The following NDST3 variants were observed in gnomAD, a reference collection of about 807,000 sequenced individuals.
NDST3 encodes the protein N-deacetylase and N-sulfotransferase 3.
A neutral mutation model predicts 96.1 loss-of-function variants in NDST3; 58 were observed. The ratio of observed to expected loss-of-function variants is 0.60; its 90% confidence interval spans 0.49 to 0.75. The LOEUF is 0.75. Ranked by LOEUF, NDST3 falls within the 30% of genes least tolerant of loss-of-function variation. The pLI is 0.00. For synonymous variants in NDST3, 333 were observed against 359.7 expected (o/e 0.93, Z 0.84); for missense variants, 788 against 1,034.2 (o/e 0.76, Z 3.27).
At chr4:118,210,987 GA>G (rs1316451976) in intron 6 of NDST3, among the ~76,000 whole-genome samples, 1 of 152,098 alleles carries the variant, frequency 6.6e-6, no homozygotes, top group Admixed American at 6.5e-5. Context: ...CCATGTCCCA[GA>G]TACTAAGGGA....
intron 1 of NDST3, among the ~76,000 whole-genome samples, chr4:118,052,182 C>A (rs533515710): frequency 1.3e-5 from 2 of 152,150 alleles, no homozygotes; most frequent in East Asian, 3.9e-4. Flanking sequence ...TACAAATACA[C>A]CATGGAATAC....
At chr4:118,102,501 T>G (rs1729843322) in intron 2 of NDST3, among the ~76,000 whole-genome samples, 1 of 152,154 alleles carries the variant, frequency 6.6e-6, no homozygotes, top group African/African-American at 2.4e-5. Context: ...ATTTTAGACA[T>G]GTTGCATATA....
Position 118,054,153 on chromosome 4 carries a change from A to C in NDST3, c.243A>C (p.Leu81=). The C allele has an allele frequency of 6.2e-7, 1 of 1,613,052 alleles. No homozygotes were observed. The highest frequency in any genetic ancestry group is 8.5e-7 in the Non-Finnish European group (1 of 1,179,366). ...FDASRTDPTV[L]VFVESQYSSL... Reference sequence around the variant, plus strand: ...CCTCAAGGACAGACCCCACAGTCCTAGTATTTGTAGAGAGCCAGTACTCAT... The same window carrying C: ...CCTCAAGGACAGACCCCACAGTCCTCGTATTTGTAGAGAGCCAGTACTCAT... Residue 81 remains leucine, a synonymous_variant, in exon 2 of 14, where the codon CTA becomes CTC. Coordinates refer to ENST00000296499, the MANE Select transcript of NDST3 (RefSeq NM_004784.3).
intron 6 of NDST3, among the ~76,000 whole-genome samples, chr4:118,186,240 C>G (rs550369142): frequency 1.3e-5 from 2 of 152,266 alleles, no homozygotes; most frequent in East Asian, 3.9e-4. Flanking sequence ...ACTGTACAAA[C>G]TCAGTCTAAA....
chr4:118,195,733 G>C (rs1304294331), intron 6 of NDST3, among the ~76,000 whole-genome samples: 1 of 152,176 alleles, frequency 6.6e-6, no homozygotes, highest in Admixed American at 6.5e-5. Flanking sequence ...AAATTTATCA[G>C]TTCTAATAGT....
chr4:118,250,323 T>C (rs1024430678), intron 12 of NDST3, among the ~76,000 whole-genome samples: 1 of 152,232 alleles, frequency 6.6e-6, no homozygotes, highest in Non-Finnish European at 1.5e-5. Context: ...TCCATGTCTT[T>C]GCCAACATGG....
intron 6 of NDST3, among the ~76,000 whole-genome samples, chr4:118,197,648 C>T (rs983264218): frequency 2.2e-4 from 33 of 150,310 alleles, no homozygotes; most frequent in South Asian, 4.1e-4. Flanking sequence ...TTTTTGGTTT[C>T]CATGGACTTG....
At chr4:118,239,541 C>T (rs1016691536) in intron 10 of NDST3, among the ~76,000 whole-genome samples, 9 of 152,200 alleles carry the variant, frequency 5.9e-5, no homozygotes, top group African/African-American at 2.2e-4. Flanking sequence ...CACCAAGTAT[C>T]TGGAGAAAAG....
intron 6 of NDST3, among the ~76,000 whole-genome samples, chr4:118,166,027 C>T (rs1735525796): frequency 6.6e-6 from 1 of 150,542 alleles, no homozygotes; most frequent in East Asian, 1.9e-4. Context: ...AAAAAAAGAG[C>T]AAACTAAACT....
At chr4:118,040,901 A>T (rs1367898355) in intron 1 of NDST3, among the ~76,000 whole-genome samples, 4 of 123,014 alleles carry the variant, frequency 3.3e-5, no homozygotes, top group East Asian at 2.6e-4. Context: ...ATATATATTT[A>T]TATATATATA....
Position 118,226,776 on chromosome 4 carries a change from T to A in NDST3, c.1723-110T>A. On this transcript the variant is annotated intron_variant, in intron 7 of 13. Coordinates refer to ENST00000296499, the MANE Select transcript of NDST3 (RefSeq NM_004784.3). ...TCATTTTTTTAAAAGAGTCTATTTT[T>A]TATCCCAGCGTTTCCTGGTATACTT... 6.8e-6 allele frequency: 5 copies of A among 739,596 alleles called. 1 individual carries two copies. The South Asian group carries it at 9.3e-5, about 14-fold the overall frequency. The allele number at this position is 739,596 out of a possible 1,614,324, so 45.8% of individuals were successfully genotyped here.
chr4:118,161,765 T>C (rs894116692), intron 6 of NDST3, among the ~76,000 whole-genome samples: 1 of 152,136 alleles, frequency 6.6e-6, no homozygotes, highest in African/African-American at 2.4e-5. Context: ...ATTTTCCAGG[T>C]GCCATCTGTC....
intron 2 of NDST3, among the ~76,000 whole-genome samples, chr4:118,094,264 G>C (rs976715596): frequency 4.0e-5 from 6 of 151,228 alleles, no homozygotes; most frequent in African/African-American, 1.5e-4. Context: ...AAAGTTGTTA[G>C]GCACAGTATA....
intron 8 of NDST3, among the ~76,000 whole-genome samples, chr4:118,227,443 CTA>C (rs1382841919): frequency 6.6e-6 from 1 of 151,958 alleles, no homozygotes; most frequent in Non-Finnish European, 1.5e-5. Flanking sequence ...GCAGAGATGA[CTA>C]TTTTTTAAAA....
At chr4:118,247,234 A>G (rs1469172417) in intron 12 of NDST3, among the ~76,000 whole-genome samples, 1 of 151,912 alleles carries the variant, frequency 6.6e-6, no homozygotes, top group African/African-American at 2.4e-5. Flanking sequence ...AATGTCCAGA[A>G]AAGAGACAAA....
chr4:118,095,062 T>G (rs6820851), intron 2 of NDST3, among the ~76,000 whole-genome samples: 79,420 of 151,534 alleles, frequency 0.52, 24,984 homozygotes, highest in East Asian at 0.72. Context: ...CAATTATACC[T>G]TAACAGAGCT....
In NDST3 at chr4:118,162,609, T is replaced by C. The variant is rs1167582758; in HGVS notation, c.1539+18925T>C. 1.8e-3 allele frequency among the ~76,000 whole-genome samples: 278 copies of C among 150,668 alleles called. 1 individual carries two copies. The Middle Eastern group carries it at 0.021, about 11-fold the overall frequency. ...TATACAAAAATCAATTCAAGATGGA[T>C]TAAAGACTTAAACATTAGACCTAAA... On this transcript the variant is annotated intron_variant, in intron 6 of 13. Transcript: ENST00000296499.
chr4:118,105,810 A>T (rs770871228), intron 3 of NDST3, among the ~76,000 whole-genome samples: 3 of 152,154 alleles, frequency 2.0e-5, no homozygotes, highest in Non-Finnish European at 4.4e-5. Context: ...GGACTTGAGT[A>T]TTCTTTTCTG....
intron 2 of NDST3, among the ~76,000 whole-genome samples, chr4:118,082,530 T>C (rs1728105166): frequency 6.6e-6 from 1 of 152,212 alleles, no homozygotes; most frequent in Admixed American, 6.5e-5. Flanking sequence ...TATTTTATAA[T>C]GGACAGTAAG....
Sources: gnomAD v4.1 joint callset for allele counts (sites outside exome capture counted in the v4.1 genomes callset) on GRCh38, gnomAD v4.1.1 for gene constraint, MANE v1.5 for transcripts, NCBI Gene and HGNC (gene_info 2026-07-23, HGNC 2026-07-21) for gene names.